The following TBCE variants were observed in gnomAD, a reference collection of about 807,000 sequenced individuals.
TBCE encodes tubulin folding cofactor E, also known as tubulin-specific chaperone E.
TBCE carries 53 observed loss-of-function variants against 77.0 expected under a neutral mutation model. The ratio of observed to expected loss-of-function variants is 0.69; its 90% CI spans 0.55 to 0.87. TBCE has a LOEUF of 0.87. Ranked by LOEUF, TBCE falls within the 40% of genes least tolerant of loss-of-function variation. The probability of loss-of-function intolerance (pLI) is 0.00; values close to 1 mark genes in which losing one functional copy is unlikely to be tolerated. For synonymous variants in TBCE, 235 were observed against 241.3 expected (o/e 0.97, Z 0.24); for missense variants, 624 against 622.4 (o/e 1.00, Z -0.03).
At chr1:235,401,682 T>G in intron 3 of TBCE, 95 bp downstream of exon 3, 6 of 1,070,648 alleles carry the variant, frequency 5.6e-6, no homozygotes, top group Non-Finnish European at 8.6e-6. Context: ...GTTTGGCTCA[T>G]GGAGTAGTTA....
At chr1:235,400,742 T>C (rs1448805841) in intron 2 of TBCE, among the ~76,000 whole-genome samples, 1 of 149,666 alleles carries the variant, frequency 6.7e-6, no homozygotes. Context: ...TTGCCCAGGC[T>C]GGAGTGCAGT....
rs555333962 is a variant in TBCE at position 235,392,505 on chromosome 1, G to T, written c.101-8998G>T. 4.7e-5 allele frequency among the ~76,000 whole-genome samples: 7 copies of T among 150,412 alleles called. No homozygotes were observed. In the South Asian group the frequency reaches 1.5e-3, roughly 32 times the overall value. ...GGCTCACTGCAACCTCCGCCTCCTGGATTCAAGCAATTCTCCTGCCTTAGC... is the reference window on the plus strand; with the variant it reads ...GGCTCACTGCAACCTCCGCCTCCTGTATTCAAGCAATTCTCCTGCCTTAGC... On this transcript the variant is annotated intron_variant, in intron 2 of 16. Coordinates refer to ENST00000642610, the MANE Select transcript of TBCE (RefSeq NM_003193.5).
intron 15 of TBCE, 55 bp downstream of exon 15, chr1:235,442,966 G>T (rs902401517): frequency 3.1e-5 from 49 of 1,579,820 alleles, no homozygotes; most frequent in Non-Finnish European, 3.8e-5. Context: ...GCCTAGGTAT[G>T]AGTCAGCTAA....
chr1:235,421,464 TTGGGAGGCCGAGG>T (rs1181665041), intron 5 of TBCE, among the ~76,000 whole-genome samples: 2 of 152,038 alleles, frequency 1.3e-5, no homozygotes, highest in African/African-American at 4.8e-5. Flanking sequence ...TCCCAGTACT[TTGGGAGGCCGAGG>T]TGGGCGGATC....
In TBCE at chr1:235,438,905, A is replaced by T; in HGVS notation, c.1253A>T (p.Tyr418Phe). The stretch of plus-strand genomic sequence containing the variant: ...GAATTCCTCACAGCCCATCCCAGAT[A>T]CCAGTTCCTCTGCCTGAGTACGTGC... ...SEEFLTAHPR[Y>F]QFLCLKYGAP... Residue 418 changes from tyrosine to phenylalanine, a missense_variant, in exon 13 of 17, where the codon TAC (tyrosine) becomes TTC (phenylalanine). Transcript: ENST00000642610. 6.2e-7 allele frequency: 1 copy of T among 1,614,158 alleles called. No individual in the cohort carries two copies. The highest frequency in any genetic ancestry group is 1.7e-5 in the Admixed American group (1 of 60,006).
At chr1:235,390,555 C>A (rs1167749538) in intron 2 of TBCE, among the ~76,000 whole-genome samples, 1 of 152,016 alleles carries the variant, frequency 6.6e-6, no homozygotes, top group Non-Finnish European at 1.5e-5. Context: ...AGTTCAAGAC[C>A]AGCCTGACCA....
intron 13 of TBCE, chr1:235,441,603 T>A: frequency 1.7e-6 from 1 of 577,002 alleles, no homozygotes; most frequent in Non-Finnish European, 3.1e-6. Flanking sequence ...AGCTACAGAG[T>A]CTGCAGCTCT....
chr1:235,435,709 T>G (rs561619540), intron 8 of TBCE, 36 bp from the exon 9 acceptor site: 9 of 1,570,594 alleles, frequency 5.7e-6, no homozygotes, highest in South Asian at 1.1e-5. Context: ...AATTAAGAGA[T>G]AAATTCACGG....
intron 1 of TBCE, among the ~76,000 whole-genome samples, chr1:235,370,316 C>T (rs1464717543): frequency 4.1e-5 from 6 of 145,922 alleles, no homozygotes; most frequent in South Asian, 2.1e-4. Flanking sequence ...TGCAGTGGTA[C>T]GTTCTCGGCT....
chr1:235,437,060 C>T (rs1311445931), intron 11 of TBCE, among the ~76,000 whole-genome samples: 2 of 151,938 alleles, frequency 1.3e-5, no homozygotes, highest in Non-Finnish European at 2.9e-5. Context: ...ACTCAGGAGG[C>T]GGAGGTTGTG....
At chr1:235,385,131 G>A (rs963539706) in intron 2 of TBCE, among the ~76,000 whole-genome samples, 1 of 152,164 alleles carries the variant, frequency 6.6e-6, no homozygotes, top group African/African-American at 2.4e-5. Flanking sequence ...GCGGTTTTGA[G>A]TGAGTTTCTT....
At chr1:235,370,548 G>GC (rs1422817985) in intron 1 of TBCE, among the ~76,000 whole-genome samples, 297 of 144,248 alleles carry the variant, frequency 2.1e-3, no homozygotes, top group African/African-American at 7.6e-3. Context: ...ACTGCACCCG[G>GC]CATTTTTTTT....
chr1:235,372,000 A>G (rs546159838), intron 1 of TBCE, among the ~76,000 whole-genome samples: 1 of 149,910 alleles, frequency 6.7e-6, no homozygotes, highest in Admixed American at 6.7e-5. Context: ...ATTTTTTTGT[A>G]CAATAGGGTC....
chr1:235,408,418 T>A (rs969268508), intron 3 of TBCE, among the ~76,000 whole-genome samples: 3 of 151,550 alleles, frequency 2.0e-5, no homozygotes, highest in African/African-American at 7.3e-5. Flanking sequence ...TGGTGTGGTG[T>A]AAAGTGTTGG....
At chr1:235,402,725 A>G (rs1679188182) in intron 3 of TBCE, among the ~76,000 whole-genome samples, 1 of 152,196 alleles carries the variant, frequency 6.6e-6, no homozygotes, top group African/African-American at 2.4e-5. Context: ...CCTGGGCTCA[A>G]GTGATCTTCG....
At chr1:235,379,927 G>C (rs909502005) in intron 1 of TBCE, 92 bp from the exon 2 acceptor site, 30 of 730,980 alleles carry the variant, frequency 4.1e-5, no homozygotes, top group Admixed American at 1.7e-4. Context: ...CAGCCTGGGC[G>C]ACAGAGCAAG....
At chr1:235,432,953 C>G in intron 7 of TBCE, 1 of 1,388,802 alleles carries the variant, frequency 7.2e-7, no homozygotes, top group Non-Finnish European at 9.4e-7. Context: ...TAGGCTCATG[C>G]GCAGTGTGGT....
chr1:235,415,527 G>A (rs1438234830), intron 4 of TBCE: 1 of 152,184 alleles, frequency 6.6e-6, no homozygotes, highest in Non-Finnish European at 1.5e-5. Flanking sequence ...TGGCCACTGT[G>A]AGGATAAATT....
At chr1:235,385,622 A>G (rs1471594597) in intron 2 of TBCE, among the ~76,000 whole-genome samples, 3 of 152,066 alleles carry the variant, frequency 2.0e-5, no homozygotes, top group Admixed American at 2.0e-4. Context: ...CTGTTTTATC[A>G]GAGACTAGGA....
Sources: gnomAD v4.1 joint callset for allele counts (sites outside exome capture counted in the v4.1 genomes callset) on GRCh38, gnomAD v4.1.1 for gene constraint, MANE v1.5 for transcripts, NCBI Gene and HGNC (gene_info 2026-07-23, HGNC 2026-07-21) for gene names.